Variants in MYO5B observed in about 807,000 individuals in gnomAD.
MYO5B encodes myosin VB, also known as unconventional myosin-Vb.
A neutral mutation model predicts 229.3 loss-of-function variants in MYO5B; 143 were observed. That is an observed-to-expected ratio of 0.62 (90% CI 0.54 to 0.72). MYO5B has a LOEUF of 0.72. Ranked by LOEUF, MYO5B falls within the 30% of genes least tolerant of loss-of-function variation. The pLI is 0.00. For missense variants in MYO5B, 2,321 were observed against 2,331.0 expected (o/e 1.00, Z 0.09); for synonymous variants, 918 against 885.2 (o/e 1.04, Z -0.66).
In MYO5B at chr18:50,163,632, G is replaced by A. The variant is rs376458439; in HGVS notation, c.27+31135C>T. ...TTTTCTGCAGTGCATTCCTGATAGC[G>A]TCCATGAGCAACTTCCCTAACAAAG... On this transcript the variant is annotated intron_variant, in intron 1 of 39. Transcript: ENST00000285039. Among the ~76,000 whole-genome samples, 63 of 152,248 alleles carry A rather than the reference G, an allele frequency of 4.1e-4. 1 individual carries two copies. The South Asian group carries it at 0.011, about 28-fold the overall frequency.
intron 7 of MYO5B, among the ~76,000 whole-genome samples, chr18:49,989,548 A>T (rs546643375): frequency 6.6e-6 from 1 of 152,056 alleles, no homozygotes; most frequent in African/African-American, 2.4e-5. Context: ...CTCTTTACAC[A>T]TATGTGCCTG....
intron 29 of MYO5B, among the ~76,000 whole-genome samples, chr18:49,860,600 T>G (rs1483718483): frequency 6.6e-6 from 1 of 151,226 alleles, no homozygotes; most frequent in Non-Finnish European, 1.5e-5. Context: ...AAAACAAAAC[T>G]CTACAAACTT....
intron 1 of MYO5B, among the ~76,000 whole-genome samples, chr18:50,076,267 C>T (rs371024051): frequency 2.2e-4 from 34 of 152,246 alleles, no homozygotes; most frequent in East Asian, 1.5e-3. Flanking sequence ...CAGAACTGTA[C>T]GGAAAGTGAG....
At chr18:50,178,192 AC>A (rs1414734398) in intron 1 of MYO5B, among the ~76,000 whole-genome samples, 1 of 152,140 alleles carries the variant, frequency 6.6e-6, no homozygotes, top group Non-Finnish European at 1.5e-5. Context: ...GCTGAAAGTG[AC>A]CATTTTCACA....
chr18:49,905,564 C>A (rs1313406843), intron 19 of MYO5B, among the ~76,000 whole-genome samples: 1 of 152,220 alleles, frequency 6.6e-6, no homozygotes, highest in Admixed American at 6.5e-5. Context: ...AAGTGACCCA[C>A]TCAGCCCATG....
At chr18:49,926,165 C>A (rs935554574) in intron 17 of MYO5B, among the ~76,000 whole-genome samples, 25 of 152,204 alleles carry the variant, frequency 1.6e-4, no homozygotes, top group African/African-American at 6.0e-4. Context: ...AATGCTGGGA[C>A]CCGCTGGGTT....
chr18:49,894,304 G>C (rs566685920), intron 22 of MYO5B, among the ~76,000 whole-genome samples: 9 of 152,098 alleles, frequency 5.9e-5, no homozygotes, highest in Non-Finnish European at 1.2e-4. Context: ...GTGGTGGGAG[G>C]CAGAACAGCA....
intron 1 of MYO5B, among the ~76,000 whole-genome samples, chr18:50,193,536 G>A (rs547707526): frequency 3.3e-5 from 5 of 152,376 alleles, no homozygotes; most frequent in East Asian, 3.9e-4. Flanking sequence ...ACAGCCGCGT[G>A]TGATCGCCAG....
At chr18:50,134,371 C>T (rs548587741) in intron 1 of MYO5B, among the ~76,000 whole-genome samples, 30 of 151,958 alleles carry the variant, frequency 2.0e-4, no homozygotes, top group Non-Finnish European at 3.5e-4. Flanking sequence ...CTAGCCAACA[C>T]GGTGAAACCC....
intron 14 of MYO5B, among the ~76,000 whole-genome samples, chr18:49,939,252 T>C (rs1441971237): frequency 1.3e-5 from 2 of 151,336 alleles, no homozygotes; most frequent in Non-Finnish European, 2.9e-5. Context: ...TTCAAGCGAT[T>C]CTCCTGCCTC....
intron 26 of MYO5B, among the ~76,000 whole-genome samples, chr18:49,874,815 T>A (rs2024498131): frequency 6.6e-6 from 1 of 152,166 alleles, no homozygotes; most frequent in Non-Finnish European, 1.5e-5. Context: ...TTAGAAGTGG[T>A]CCTTCTATCT....
chr18:49,904,979 A>G, intron 19 of MYO5B, 151 bp from the exon 20 acceptor site: 1 of 890,976 alleles, frequency 1.1e-6, no homozygotes, highest in East Asian at 2.6e-5. Flanking sequence ...ACCCCTAACA[A>G]ATGTAGCAAT....
At chr18:50,183,738 C>T (rs138888431) in intron 1 of MYO5B, among the ~76,000 whole-genome samples, 11 of 105,282 alleles carry the variant, frequency 1.0e-4, no homozygotes, top group Non-Finnish European at 1.9e-4. Flanking sequence ...CCCAATGTGG[C>T]GGGGGTGGGA....
intron 36 of MYO5B, among the ~76,000 whole-genome samples, chr18:49,838,422 C>T (rs930978030): frequency 6.6e-5 from 10 of 152,114 alleles, no homozygotes; most frequent in Admixed American, 3.3e-4. Flanking sequence ...GTCAGTTCTC[C>T]CTCTGTCTGG....
At chr18:50,043,381 TA>T (rs1354237331) in intron 2 of MYO5B, among the ~76,000 whole-genome samples, 2 of 102,090 alleles carry the variant, frequency 2.0e-5, no homozygotes, top group South Asian at 5.5e-4. Flanking sequence ...ATATATAATA[TA>T]TTAAATATAT....
intron 2 of MYO5B, among the ~76,000 whole-genome samples, chr18:50,053,251 G>C (rs2030450832): frequency 6.6e-6 from 1 of 152,170 alleles, no homozygotes; most frequent in African/African-American, 2.4e-5. Flanking sequence ...AATCTCTAGA[G>C]CCAGGCTTCC....
intron 10 of MYO5B, among the ~76,000 whole-genome samples, chr18:49,963,766 C>T (rs1179863379): frequency 1.3e-5 from 2 of 152,186 alleles, no homozygotes; most frequent in Non-Finnish European, 1.5e-5. Context: ...CCATTGAAAA[C>T]ACTTCCCCAC....
chr18:50,156,069 C>T (rs2032673669), intron 1 of MYO5B, among the ~76,000 whole-genome samples: 1 of 152,170 alleles, frequency 6.6e-6, no homozygotes, highest in African/African-American at 2.4e-5. Flanking sequence ...TGGATTGTTC[C>T]AATTTAAAGT....
chr18:50,077,930 A>T (rs2031127009), intron 1 of MYO5B, among the ~76,000 whole-genome samples: 1 of 152,220 alleles, frequency 6.6e-6, no homozygotes, highest in Non-Finnish European at 1.5e-5. Flanking sequence ...GAAATTCCAC[A>T]CAAGAACTGC....
Sources: gnomAD v4.1 joint callset for allele counts (sites outside exome capture counted in the v4.1 genomes callset) on GRCh38, gnomAD v4.1.1 for gene constraint, MANE v1.5 for transcripts, NCBI Gene and HGNC (gene_info 2026-07-23, HGNC 2026-07-21) for gene names.